Variants in ANO1 observed in about 807,000 individuals in gnomAD.
ANO1 encodes anoctamin-1.
A neutral mutation model predicts 124.0 loss-of-function variants in ANO1; 59 were observed. The observed-to-expected ratio is 0.48, with a 90% CI of 0.39 to 0.59. The LOEUF is 0.59. Ranked by LOEUF, ANO1 falls within the 20% of genes least tolerant of loss-of-function variation. The probability of loss-of-function intolerance (pLI) is 0.00; values close to 1 mark genes in which losing one functional copy is unlikely to be tolerated. For missense variants in ANO1, 1,059 were observed against 1,328.0 expected (o/e 0.80, Z 3.15); for synonymous variants, 529 against 532.0 (o/e 0.99, Z 0.08).
chr11:70,116,435 T>C (rs757264330), intron 7 of ANO1, 23 bp from the exon 8 acceptor site: 1 of 1,588,140 alleles, frequency 6.3e-7, no homozygotes, highest in Non-Finnish European at 8.6e-7. Context: ...GATAAGAACG[T>C]CCCTTTCCTC....
At chr11:70,150,419 G>C (rs1290640447) in intron 12 of ANO1, among the ~76,000 whole-genome samples, 1 of 152,224 alleles carries the variant, frequency 6.6e-6, no homozygotes, top group Non-Finnish European at 1.5e-5. Context: ...CTTCAGGGTA[G>C]GTGGGAATGA....
intron 3 of ANO1, 57 bp downstream of exon 3, chr11:70,103,221 C>T (rs2509147): frequency 0.39 from 548,031 of 1,419,400 alleles, 107,751 homozygotes; most frequent in Middle Eastern, 0.45. Flanking sequence ...GTCACTTGGA[C>T]GCCTGGCAGT....
intron 12 of ANO1, among the ~76,000 whole-genome samples, chr11:70,150,861 A>T (rs938252935): frequency 5.3e-5 from 8 of 152,180 alleles, no homozygotes; most frequent in African/African-American, 9.7e-5. Flanking sequence ...CTTTAAAAAA[A>T]ATTTTTTTTA....
At chr11:70,181,413 A>G (rs1308943525) in intron 23 of ANO1, among the ~76,000 whole-genome samples, 1 of 152,174 alleles carries the variant, frequency 6.6e-6, no homozygotes, top group Non-Finnish European at 1.5e-5. Context: ...TCTGCCAGGC[A>G]TGCGCTCCCA....
At chr11:70,150,677 GAC>G (rs912765763) in intron 12 of ANO1, among the ~76,000 whole-genome samples, 2 of 152,124 alleles carry the variant, frequency 1.3e-5, no homozygotes, top group African/African-American at 4.8e-5. Context: ...TGGGGCTACA[GAC>G]ACACACAACC....
At chr11:70,181,054 C>A (rs558442398) in intron 23 of ANO1, among the ~76,000 whole-genome samples, 38 of 152,210 alleles carry the variant, frequency 2.5e-4, no homozygotes, top group Non-Finnish European at 4.1e-4. Flanking sequence ...CCGGGTTTAG[C>A]TGTGCCCAGC....
chr11:70,044,105 G>T (rs532996677), intron 1 of ANO1, among the ~76,000 whole-genome samples: 1 of 151,538 alleles, frequency 6.6e-6, no homozygotes, highest in Admixed American at 6.6e-5. Flanking sequence ...TATGTGAAGG[G>T]GTATAATATT....
At chr11:70,033,097 C>G (rs1235527780) in intron 1 of ANO1, among the ~76,000 whole-genome samples, 1 of 152,112 alleles carries the variant, frequency 6.6e-6, no homozygotes, top group African/African-American at 2.4e-5. Context: ...TGGGTGTGAG[C>G]CAGGGAAAGA....
At chr11:70,131,842 C>T in intron 10 of ANO1, 77 bp from the exon 11 acceptor site, 1 of 1,511,436 alleles carries the variant, frequency 6.6e-7, no homozygotes, top group East Asian at 2.4e-5. Context: ...GCGCTTTCTC[C>T]CAGGCCAGCT....
At chr11:70,166,068 A>G (rs2048242471) in intron 20 of ANO1, among the ~76,000 whole-genome samples, 2 of 152,202 alleles carry the variant, frequency 1.3e-5, no homozygotes, top group South Asian at 4.1e-4. Flanking sequence ...CTGTAATCCC[A>G]GCACTTTGGG....
chr11:70,158,451 T>C (rs79239720), intron 16 of ANO1, among the ~76,000 whole-genome samples: 169 of 152,324 alleles, frequency 1.1e-3, no homozygotes, highest in African/African-American at 3.9e-3. Context: ...CACTGGCCAG[T>C]CCTGGTACCA....
chr11:70,154,460 CTTT>C (rs35077245), intron 14 of ANO1, among the ~76,000 whole-genome samples: 2 of 84,258 alleles, frequency 2.4e-5, no homozygotes, highest in Admixed American at 1.7e-4. Context: ...GGAAGTATGT[CTTT>C]TTTTTTTTTT....
In ANO1 at chr11:69,991,176, T is replaced by C. The variant is rs536497490; in HGVS notation, c.58+5010T>C. On this transcript the variant is annotated intron_variant, in intron 1 of 27. Transcript: ENST00000531349. ...AGAGAGCCAAATTCATTCCTCTGCA[T>C]GTGAATATCCATTTGTTTCAGCACA... Among the ~76,000 whole-genome samples, 5 of 152,352 alleles carry C rather than the reference T, an allele frequency of 3.3e-5. No individual in the cohort carries two copies. The South Asian group carries it at 6.2e-4, about 19-fold the overall frequency.
chr11:70,010,179 G>GTATATATATATATATATATATA lies in ANO1; in HGVS notation c.58+24032_58+24033insATATATATATATATATATATAT, dbSNP rs71926266. ...TGTGTGTGTGTGCGCGTGTGTGTGTGTATATATATATATATATATCACATT... is the reference window on the plus strand; with the variant it reads ...TGTGTGTGTGTGCGCGTGTGTGTGTGTATATATATATATATATATATATATATATATATATATATATCACATT... On this transcript the variant is annotated intron_variant, in intron 1 of 27. Transcript: ENST00000531349. 4.1e-4 allele frequency among the ~76,000 whole-genome samples: 34 copies of GTATATATATATATATATATATA among 83,798 alleles called. 1 individual carries two copies. The highest frequency in any genetic ancestry group is 2.3e-3 in the East Asian group (4 of 1,734). 55.0% of individuals were successfully genotyped at this position (83,798 alleles called of 152,430 possible).
rs1436174618 is a variant in ANO1, at chr11:70,136,836, G to A, written c.1258+4757G>A. On this transcript the variant is annotated intron_variant, in intron 11 of 25. Coordinates refer to ENST00000355303, the MANE Select transcript of ANO1 (RefSeq NM_018043.7). ...GAGATAAATGCAGTTGTTTCTCTTCGTGGACAAAGGCGTTCGATTTTCCAG... is the reference window on the plus strand; with the variant it reads ...GAGATAAATGCAGTTGTTTCTCTTCATGGACAAAGGCGTTCGATTTTCCAG... Among the ~76,000 whole-genome samples the A allele has an allele frequency of 2.7e-5, 4 of 147,870 alleles. 1 individual carries two copies. Among genetic ancestry groups the A allele is most frequent in the Admixed American group, 1.4e-4 (2 of 14,080 alleles).
At chr11:70,071,275 A>G (rs1857868058) in intron 1 of ANO1, among the ~76,000 whole-genome samples, 1 of 152,244 alleles carries the variant, frequency 6.6e-6, no homozygotes, top group Non-Finnish European at 1.5e-5. Context: ...TTCCTTAAAT[A>G]GTAAAAGGGT....
At chr11:70,017,078 C>G (rs1268562113) in intron 1 of ANO1, among the ~76,000 whole-genome samples, 19 of 152,326 alleles carry the variant, frequency 1.2e-4, no homozygotes, top group African/African-American at 4.1e-4. Context: ...TAGAAAGATG[C>G]CTGGCACAGA....
chr11:70,036,193 C>G (rs1388191491), intron 1 of ANO1, among the ~76,000 whole-genome samples: 2 of 152,174 alleles, frequency 1.3e-5, no homozygotes, highest in Non-Finnish European at 2.9e-5. Context: ...GGAGTAGAAT[C>G]CTTCCTTGCC....
intron 1 of ANO1, among the ~76,000 whole-genome samples, chr11:69,987,604 C>CAAAAAAAAAAAAAAAAAA (rs202001305): frequency 9.1e-6 from 1 of 109,738 alleles, no homozygotes; most frequent in African/African-American, 4.3e-5. Flanking sequence ...GACCATGTCT[C>CAAAAAAAAAAAAAAAAAA]AAAAAAAAAA....
Sources: allele counts gnomAD v4.1 joint callset (sites outside exome capture counted in the v4.1 genomes callset), GRCh38; gene constraint gnomAD v4.1.1; transcripts MANE v1.5; gene names NCBI Gene and HGNC (gene_info 2026-07-23, HGNC 2026-07-21).